The following PCYT2 variants were observed in gnomAD, a reference collection of about 807,000 sequenced individuals.
The protein encoded by PCYT2 is ethanolamine-phosphate cytidylyltransferase.
PCYT2 carries 33 observed loss-of-function variants against 50.0 expected under a neutral mutation model. That is an observed-to-expected ratio of 0.66 (90% CI 0.50 to 0.88). The LOEUF is 0.88. Among genes scored for constraint, PCYT2 ranks in the 40% least tolerant of loss-of-function variants. PCYT2 has a pLI of 0.00. For synonymous variants in PCYT2, 240 were observed against 203.7 expected (o/e 1.18, Z -1.52); for missense variants, 430 against 519.7 (o/e 0.83, Z 1.68).
chr17:81,906,371 T>C, intron 8 of PCYT2, 93 bp downstream of exon 8: 2 of 1,375,156 alleles, frequency 1.5e-6, no homozygotes, highest in Non-Finnish European at 2.1e-6. Flanking sequence ...CTGGGGCCCC[T>C]TCCCAGAGAC....
chr17:81,906,016 G>T (rs1244904417), intron 9 of PCYT2, 84 bp downstream of exon 9: 30 of 1,260,702 alleles, frequency 2.4e-5, no homozygotes, highest in Non-Finnish European at 3.3e-5. Context: ...AAGCCCCCCT[G>T]CCCTGGCTCA....
chr17:81,910,118 C>T (rs547048570), intron 1 of PCYT2, among the ~76,000 whole-genome samples: 3 of 152,348 alleles, frequency 2.0e-5, no homozygotes, highest in South Asian at 2.1e-4. Context: ...TCCTCCCTTA[C>T]GGCCTCAAGC....
chr17:81,906,587 G>A (rs2040283304), intron 7 of PCYT2, 41 bp from the exon 8 acceptor site: 6 of 1,597,764 alleles, frequency 3.8e-6, no homozygotes, highest in Non-Finnish European at 5.1e-6. Flanking sequence ...GGGATGACAG[G>A]GAGCAGCTCC....
intron 10 of PCYT2, 80 bp from the exon 11 acceptor site, chr17:81,905,527 G>C: frequency 6.8e-7 from 1 of 1,464,250 alleles, no homozygotes. Context: ...AGGCCCCGGG[G>C]GTTGGGAGAG....
chr17:81,902,930 G>A lies in PCYT2; in HGVS notation c.*1903C>T, dbSNP rs934092733. ...AGTGAGGGGTGCTGGAGGACTGGCAGCCAGGCCACGAGGGGAACGGGACCT... is the reference window on the plus strand; with the variant it reads ...AGTGAGGGGTGCTGGAGGACTGGCAACCAGGCCACGAGGGGAACGGGACCT... On this transcript the variant is annotated 3_prime_UTR_variant, in exon 13 of 13. Transcript: ENST00000538936. 14 of 559,422 alleles carry A rather than the reference G, an allele frequency of 2.5e-5. No individual in the cohort carries two copies. In the African/African-American group the frequency reaches 2.6e-4, roughly 10 times the overall value. The allele number at this position is 559,422 out of a possible 1,614,324, so 34.7% of individuals were successfully genotyped here. A position where few individuals can be genotyped will look rare whatever the true frequency, so the allele number is the denominator to read the frequency against.
Position 81,904,770 on chromosome 17 carries a change from A to G in PCYT2, c.*63T>C, listed in dbSNP as rs1598315153. On this transcript the variant is annotated 3_prime_UTR_variant, in exon 13 of 13. Transcript: ENST00000538936. ...AGAGAGGGCGGCCCTGCAGAGTCCT[A>G]TGTCCAAACGCAGAAGGCGCAGAAG... 4.5e-5 allele frequency: 52 copies of G among 1,143,968 alleles called. 1 individual carries two copies. In the South Asian group the frequency reaches 6.4e-4, roughly 14 times the overall value. 70.9% of individuals were successfully genotyped at this position (1,143,968 alleles called of 1,614,324 possible).
Position 81,905,439 on chromosome 17 carries a change from C to T in PCYT2, c.912G>A (p.Leu304=). ...AELLSHFKVD[L]VCHGKTEIIP... ...TAATTTCTGTCTTGCCGTGACACAC[C>T]AGGTCCACCTGGAGAAGGAGTGGGG... The change falls in exon 11 of 13, where the codon CTG becomes CTA. Residue 304 remains leucine, a synonymous_variant. Coordinates refer to ENST00000538936, the MANE Select transcript of PCYT2 (RefSeq NM_002861.5). 1.3e-6 allele frequency: 2 copies of T among 1,566,196 alleles called. No homozygotes were observed. Among genetic ancestry groups the T allele is most frequent in the Non-Finnish European group, 8.7e-7 (1 of 1,155,396 alleles).
rs769823503 is a variant in PCYT2 at position 81,904,913 on chromosome 17, C to T, written c.1090G>A (p.Glu364Lys). 1.2e-6 allele frequency: 2 copies of T among 1,611,934 alleles called. No individual in the cohort carries two copies. Among genetic ancestry groups the T allele is most frequent in the African/African-American group, 1.3e-5 (1 of 74,970 alleles). ...TCCAGGAAGGCCAGCTCCTTGGCTT[C>T]CTTCTTCTGGTTTCGCGCCTCATAC... ...LEYEARNQKK[E>K]AKELAFLEAA... Residue 364 changes from glutamate (E) to lysine (K), a missense_variant, in exon 13 of 13, where the codon GAA becomes AAA. Physicochemically the swap from Glu to Lys is moderately conservative, Grantham distance 56. Around this residue, in one of 4 missense-constraint regions of PCYT2, gnomAD observed 248 missense variants for 300.2 expected, o/e 0.83. Transcript: ENST00000538936.
intron 8 of PCYT2, 129 bp downstream of exon 8, chr17:81,906,334 AC>A (rs1193372415): frequency 8.9e-6 from 10 of 1,122,826 alleles, no homozygotes; most frequent in Non-Finnish European, 1.2e-5. Flanking sequence ...GCCTACGATC[AC>A]CCCCCAGGGT....
chr17:81,906,355 C>T (rs1009984976), intron 8 of PCYT2, 109 bp downstream of exon 8: 3 of 1,251,800 alleles, frequency 2.4e-6, no homozygotes, highest in African/African-American at 3.0e-5. Context: ...TCTCCTGTGA[C>T]TTCACCTGGG....
Position 81,908,724 on chromosome 17 carries a change from T to C in PCYT2, c.341-90A>G, listed in dbSNP as rs570432998. 4.3e-5 allele frequency: 58 copies of C among 1,340,694 alleles called. No homozygotes were observed. In the South Asian group the frequency reaches 6.9e-4, roughly 16 times the overall value. The allele number at this position is 1,340,694 out of a possible 1,614,324, so 83.0% of individuals were successfully genotyped here. A position where few individuals can be genotyped will look rare whatever the true frequency, so the allele number is the denominator to read the frequency against. ...GACCCTCTCGGCCCCTGGCCTGCCC[T>C]AGTGTCCGCGTGCCCATTTCTAGGT... On this transcript the variant is annotated intron_variant, in intron 3 of 12. Coordinates refer to ENST00000538936, the MANE Select transcript of PCYT2 (RefSeq NM_002861.5).
In PCYT2 at chr17:81,904,784, A is replaced by AAGGC; in HGVS notation, c.*45_*48dup. The AAGGC allele has an allele frequency of 7.7e-7, 1 of 1,292,270 alleles. No homozygotes were observed. Among genetic ancestry groups the AAGGC allele is most frequent in the South Asian group, 1.3e-5 (1 of 79,964 alleles). The allele number at this position is 1,292,270 out of a possible 1,614,324, so 80.1% of individuals were successfully genotyped here. ...TGCAGAGTCCTATGTCCAAACGCAG[A>AAGGC]AGGCGCAGAAGCAGAGCAGGGGGAG... On this transcript the variant is annotated 3_prime_UTR_variant, in exon 13 of 13. Coordinates refer to ENST00000538936, the MANE Select transcript of PCYT2 (RefSeq NM_002861.5).
At position 81,901,422 on chromosome 17, in the gene PCYT2, A is replaced by G. The variant is rs1220860290; in HGVS notation, c.*3411T>C. 1 of 152,260 alleles carries G rather than the reference A, an allele frequency of 6.6e-6. No individual in the cohort carries two copies. Among genetic ancestry groups the G allele is most frequent in the East Asian group, 1.9e-4 (1 of 5,206 alleles). The allele number at this position is 152,260 out of a possible 1,614,324, so 9.4% of individuals were successfully genotyped here. ...CAGTGACAATACTTTGCATCCTTCA[A>G]TCCAGTCAAGCTGACACTCAGCATT... On this transcript the variant is annotated 3_prime_UTR_variant, in exon 13 of 13. Transcript: ENST00000538936.
At position 81,905,106 on chromosome 17, in the gene PCYT2, G is replaced by A; in HGVS notation, c.1018C>T (p.Leu340Phe). The change falls in exon 12 of 13, where the codon CTC (leucine) becomes TTC (phenylalanine). Residue 340 changes from leucine to phenylalanine, a missense_variant. Physicochemically the swap from Leu to Phe is conservative, Grantham distance 22 (BLOSUM62 0). Coordinates refer to ENST00000538936, the MANE Select transcript of PCYT2 (RefSeq NM_002861.5). ...IFRQIDSGSN[L>F]TTDLIVQRII... is the part of the protein sequence containing the mutation. ...CGCTGGACGATGAGGTCTGTGGTGA[G>A]GTTGCTGCCACTGTCAATCTGACGG... The A allele has an allele frequency of 6.2e-7, 1 of 1,613,318 alleles. No homozygotes were observed. Among genetic ancestry groups the A allele is most frequent in the Non-Finnish European group, 8.5e-7 (1 of 1,179,968 alleles).
At chr17:81,908,525 G>A (rs747149071) in intron 4 of PCYT2, 43 bp downstream of exon 4, 57 of 1,470,170 alleles carry the variant, frequency 3.9e-5, no homozygotes, top group Non-Finnish European at 5.1e-5. Context: ...AGGGAGCCCC[G>A]TGTCCAGCTC....
At chr17:81,909,292 T>C in intron 2 of PCYT2, 2 of 1,429,576 alleles carry the variant, frequency 1.4e-6, no homozygotes. Context: ...TCGCTGGCAG[T>C]GGTGGGGAGC....
Position 81,902,205 on chromosome 17 carries a change from C to T in PCYT2, c.*2628G>A. Reference sequence around the variant, plus strand: ...CCGCAGCCTCGGCCCGCCCTCGCCGCAGATATAAGGCGGCCCAGGCGGTGG... The same window carrying T: ...CCGCAGCCTCGGCCCGCCCTCGCCGTAGATATAAGGCGGCCCAGGCGGTGG... On this transcript the variant is annotated 3_prime_UTR_variant, in exon 13 of 13. Coordinates refer to ENST00000538936, the MANE Select transcript of PCYT2 (RefSeq NM_002861.5). 8.4e-7 allele frequency: 1 copy of T among 1,194,250 alleles called. No individual in the cohort carries two copies. The highest frequency in any genetic ancestry group is 1.0e-6 in the Non-Finnish European group (1 of 961,942). 74.0% of individuals were successfully genotyped at this position (1,194,250 alleles called of 1,614,324 possible).
rs2143648627 is a variant in PCYT2 at position 81,904,749 on chromosome 17, A to T, written c.*84T>A. ...CCTTCCAGAGCCAGGCCAGTTAGAG[A>T]GGGCGGCCCTGCAGAGTCCTATGTC... On this transcript the variant is annotated 3_prime_UTR_variant, in exon 13 of 13. Transcript: ENST00000538936. 1 of 864,478 alleles carries T rather than the reference A, an allele frequency of 1.2e-6. No individual in the cohort carries two copies. The highest frequency in any genetic ancestry group is 2.3e-4 in the Middle Eastern group (1 of 4,412). The allele number at this position is 864,478 out of a possible 1,614,324, so 53.6% of individuals were successfully genotyped here. A position where few individuals can be genotyped will look rare whatever the true frequency, so the allele number is the denominator to read the frequency against.
At chr17:81,907,661 G>T (rs1280514711) in intron 5 of PCYT2, 63 bp from the exon 6 acceptor site, 2 of 1,594,644 alleles carry the variant, frequency 1.3e-6, no homozygotes, top group African/African-American at 1.3e-5. Context: ...CCCCAGAACC[G>T]GCTGGGGATG....
Sources: allele counts gnomAD v4.1 joint callset (sites outside exome capture counted in the v4.1 genomes callset), GRCh38; gene constraint gnomAD v4.1.1; regional missense constraint gnomAD v4.1.1; transcripts MANE v1.5; gene names NCBI Gene and HGNC (gene_info 2026-07-23, HGNC 2026-07-21).